The following HMGCLL1 variants were observed in gnomAD, a reference collection of about 807,000 sequenced individuals.
HMGCLL1 encodes 3-hydroxy-3-methylglutaryl-CoA lyase like 1.
HMGCLL1 carries 36 observed loss-of-function variants against 39.1 expected under a neutral mutation model. The ratio of observed to expected loss-of-function variants is 0.92; its 90% CI spans 0.71 to 1.22. The LOEUF is 1.22. HMGCLL1 is among the 50% of genes most tolerant of loss of function. HMGCLL1 has a pLI of 0.00. For missense variants in HMGCLL1, 451 were observed against 416.5 expected (o/e 1.08, Z -0.72); for synonymous variants, 149 against 144.0 (o/e 1.03, Z -0.25).
At chr6:55,591,257 C>T in the HMGCLL1 span, among the ~76,000 whole-genome samples, 3 of 151,838 alleles carry the variant, frequency 2.0e-5, no homozygotes, top group South Asian at 4.1e-4. Flanking sequence ...AAATATGAAG[C>T]CCAAGAATGT....
chr6:55,494,018 G>A (rs917069177), intron 7 of HMGCLL1, among the ~76,000 whole-genome samples: 1 of 152,056 alleles, frequency 6.6e-6, no homozygotes, highest in African/African-American at 2.4e-5. Context: ...GATTACAGGC[G>A]TGAGCCACCG....
At chr6:55,676,392 T>C in the HMGCLL1 span, among the ~76,000 whole-genome samples, 1 of 152,146 alleles carries the variant, frequency 6.6e-6, no homozygotes, top group African/African-American at 2.4e-5. Flanking sequence ...AGGTCAATAT[T>C]CAGACCAACG....
chr6:55,642,269 T>C, the HMGCLL1 span, among the ~76,000 whole-genome samples: 6 of 151,030 alleles, frequency 4.0e-5, no homozygotes, highest in Non-Finnish European at 7.4e-5. Context: ...TAGTATTCCA[T>C]GGTGTATATG....
intron 1 of HMGCLL1, among the ~76,000 whole-genome samples, chr6:55,570,243 A>G (rs4715554): frequency 0.76 from 115,620 of 152,116 alleles, 44,080 homozygotes; most frequent in East Asian, 0.93. Context: ...TTTTCCAGCT[A>G]TAAACTCAGC....
At chr6:55,566,954 T>C (rs188892173) in intron 1 of HMGCLL1, among the ~76,000 whole-genome samples, 50 of 152,222 alleles carry the variant, frequency 3.3e-4, no homozygotes, top group Middle Eastern at 3.4e-3. Flanking sequence ...TAAAGTTTAA[T>C]ACCAGAAATG....
intron 7 of HMGCLL1, among the ~76,000 whole-genome samples, chr6:55,469,042 A>G (rs1272225691): frequency 2.0e-5 from 3 of 151,776 alleles, no homozygotes; most frequent in East Asian, 3.9e-4. Flanking sequence ...TCCTTTCTTC[A>G]CTAATTAGTT....
chr6:55,530,576 T>A (rs2127448008), intron 3 of HMGCLL1, among the ~76,000 whole-genome samples: 1 of 152,188 alleles, frequency 6.6e-6, no homozygotes, highest in East Asian at 1.9e-4. Flanking sequence ...TTTACAGGCA[T>A]ACTCTAAATA....
intron 1 of HMGCLL1, among the ~76,000 whole-genome samples, chr6:55,546,641 CTT>C (rs1334666321): frequency 6.6e-6 from 1 of 152,054 alleles, no homozygotes; most frequent in Non-Finnish European, 1.5e-5. Flanking sequence ...GGGAGGGACA[CTT>C]TTCTTACATA....
the HMGCLL1 span, among the ~76,000 whole-genome samples, chr6:55,607,552 C>T: frequency 6.6e-6 from 1 of 152,078 alleles, no homozygotes; most frequent in Non-Finnish European, 1.5e-5. Context: ...CCCTTTCTCA[C>T]GGCCGCCCAC....
chr6:55,499,278 G>A lies in HMGCLL1; in HGVS notation c.564C>T (p.Gly188=). Residue 188 remains glycine (G), a synonymous_variant, in exon 6 of 9, where the codon GGC becomes GGT. Coordinates refer to ENST00000274901, the MANE Select transcript of HMGCLL1 (RefSeq NM_001042406.2). ...PARGYVSCAL[G]CPYEGSITPQ... ...GTGTAATACTTCCTTCATATGGACAGCCCAGAGCACAAGACACATACCTAA... is the reference window on the plus strand; with the variant it reads ...GTGTAATACTTCCTTCATATGGACAACCCAGAGCACAAGACACATACCTAA... The A allele has an allele frequency of 1.9e-6, 3 of 1,609,106 alleles. No homozygotes were observed. Among genetic ancestry groups the A allele is most frequent in the Non-Finnish European group, 2.5e-6 (3 of 1,177,458 alleles).
Position 55,543,665 on chromosome 6 carries a change from G to A in HMGCLL1, c.109-1525C>T, listed in dbSNP as rs868345495. On this transcript the variant is annotated intron_variant, in intron 1 of 8. Coordinates refer to ENST00000274901, the MANE Select transcript of HMGCLL1 (RefSeq NM_001042406.2). ...GCCCAGGAGTTTGAGACCAGCCAGG[G>A]CAACATAGTGAAACCTCATCTCTCT... 2.0e-5 allele frequency among the ~76,000 whole-genome samples: 3 copies of A among 147,652 alleles called. No homozygotes were observed. In the East Asian group the frequency reaches 5.9e-4, roughly 29 times the overall value.
the HMGCLL1 span, among the ~76,000 whole-genome samples, chr6:55,596,787 C>T: frequency 3.3e-3 from 495 of 152,032 alleles, 3 homozygotes; most frequent in African/African-American, 0.01. Context: ...AGTTTGTATC[C>T]CTGGAAGTTC....
At chr6:55,580,386 T>A (rs1771955079), upstream of HMGCLL1, among the ~76,000 whole-genome samples, 1 of 147,518 alleles carries the variant, frequency 6.8e-6, no homozygotes, top group Non-Finnish European at 1.5e-5. Context: ...AACCAAGGAT[T>A]TTTTTTTTCT....
At chr6:55,518,323 C>G (rs1373438959) in intron 3 of HMGCLL1, among the ~76,000 whole-genome samples, 1 of 152,010 alleles carries the variant, frequency 6.6e-6, no homozygotes, top group Non-Finnish European at 1.5e-5. Flanking sequence ...TTGGTATGGC[C>G]TATAAAAGTC....
chr6:55,543,310 ATAATATATAATATATAT>A (rs1249246914), intron 1 of HMGCLL1, among the ~76,000 whole-genome samples: 1 of 21,340 alleles, frequency 4.7e-5, no homozygotes, highest in African/African-American at 1.7e-4. Context: ...TATATGATAT[ATAATATATAATATATAT>A]TATATATCAT....
the HMGCLL1 span, among the ~76,000 whole-genome samples, chr6:55,592,381 T>A: frequency 6.6e-6 from 1 of 152,112 alleles, no homozygotes; most frequent in Non-Finnish European, 1.5e-5. Context: ...GTTTAGAAGA[T>A]ATGGATTTAC....
In HMGCLL1 at chr6:55,447,723, G is replaced by A. The variant is rs1216051148; in HGVS notation, c.796-8164C>T. On this transcript the variant is annotated intron_variant, in intron 7 of 8. Transcript: ENST00000274901. ...TTCACATATGATAAAGCTCCACAAAGTCAACCTGAAGTGGTTAGTAACACA... is the reference window on the plus strand; with the variant it reads ...TTCACATATGATAAAGCTCCACAAAATCAACCTGAAGTGGTTAGTAACACA... 7.2e-5 allele frequency among the ~76,000 whole-genome samples: 11 copies of A among 152,034 alleles called. No individual in the cohort carries two copies. The East Asian group carries it at 2.1e-3, about 29-fold the overall frequency.
intron 7 of HMGCLL1, among the ~76,000 whole-genome samples, chr6:55,443,008 CAAT>C (rs1561883339): frequency 2.0e-5 from 3 of 151,468 alleles, no homozygotes; most frequent in African/African-American, 7.3e-5. Context: ...CCATTATTCT[CAAT>C]CCTGTCAACC....
chr6:55,624,137 A>G, the HMGCLL1 span, among the ~76,000 whole-genome samples: 32 of 152,290 alleles, frequency 2.1e-4, no homozygotes, highest in Non-Finnish European at 3.7e-4. Flanking sequence ...ATTGAAAGCA[A>G]TATTGCATCC....
Sources: gnomAD v4.1 joint callset for allele counts (sites outside exome capture counted in the v4.1 genomes callset) on GRCh38, gnomAD v4.1.1 for gene constraint, MANE v1.5 for transcripts, NCBI Gene and HGNC (gene_info 2026-07-23, HGNC 2026-07-21) for gene names.